Variants in MLLT6 observed in about 807,000 individuals in gnomAD.
MLLT6 encodes MLLT6, PHD finger containing.
Under a neutral mutation model 103.0 loss-of-function variants are expected in MLLT6, and 22 were observed. The observed-to-expected ratio is 0.21, with a 90% confidence interval of 0.15 to 0.31. The LOEUF (loss-of-function observed/expected upper bound fraction) is 0.31. Among genes scored for constraint, MLLT6 ranks in the 10% least tolerant of loss-of-function variants. The pLI, the probability that MLLT6 is intolerant of heterozygous loss-of-function variation, is 1.00. For synonymous variants in MLLT6, 606 were observed against 623.5 expected, an observed-to-expected ratio of 0.97 and a Z score of 0.42; for missense variants, 1,199 against 1,441.7, an observed-to-expected ratio of 0.83 and a Z score of 2.73.
Position 38,711,915 on chromosome 17 carries a change from A to G in MLLT6, c.621A>G (p.Gly207=). Reference sequence around the variant, plus strand: ...GAGGAGGAGGTGGCAGCATGGGGGGAGGTGGCAGTGGTTTCATCTCTGGGA... The same window carrying G: ...GAGGAGGAGGTGGCAGCATGGGGGGGGGTGGCAGTGGTTTCATCTCTGGGA... ...GAGGGGGSMG[G]GGSGFISGRR... The change falls in exon 7 of 20, where the codon GGA becomes GGG. Residue 207 remains glycine, a synonymous_variant. Coordinates refer to ENST00000621332, the MANE Select transcript of MLLT6 (RefSeq NM_005937.4). 6.2e-7 allele frequency: 1 copy of G among 1,607,040 alleles called. No individual in the cohort carries two copies.
chr17:38,705,612 C>T lies in MLLT6; in HGVS notation c.-21C>T. ...CGCCGGCCGGCCCCCCGCCCCAGCC[C>T]CGGAGGGAGCTCATGGGAGTATGAA... On this transcript the variant is annotated 5_prime_UTR_variant, in exon 1 of 20. Transcript: ENST00000621332. 1 of 1,484,034 alleles carries T rather than the reference C, an allele frequency of 6.7e-7. No homozygotes were observed. Among genetic ancestry groups the T allele is most frequent in the Non-Finnish European group, 9.2e-7 (1 of 1,092,658 alleles). 91.9% of individuals were successfully genotyped at this position (1,484,034 alleles called of 1,614,324 possible).
In MLLT6 at chr17:38,724,625, C is replaced by A. The variant is rs374652763; in HGVS notation, c.2889C>A (p.His963Gln). The change falls in exon 19 of 20, where the codon CAC (histidine) becomes CAA (glutamine). Residue 963 changes from histidine (H) to glutamine (Q), a missense_variant. Transcript: ENST00000621332. This position sits in a 1 kb window ranked among gnomAD's most constrained non-coding sequence, Gnocchi z 5.4. ...GCGGTCTGGCCCCCTTGCAGGAACA[C>A]CAGACTGTTGTCTACCAGATGATCC... ...LLASPQLTPEHQTVVYQMIQQ... is the reference protein window; with the variant it reads ...LLASPQLTPEQQTVVYQMIQQ... 6.3e-7 allele frequency: 1 copy of A among 1,590,712 alleles called. No homozygotes were observed. The highest frequency in any genetic ancestry group is 8.6e-7 in the Non-Finnish European group (1 of 1,165,164).
chr17:38,722,334 T>G, intron 17 of MLLT6, 107 bp downstream of exon 17: 1 of 859,886 alleles, frequency 1.2e-6, no homozygotes, highest in Non-Finnish European at 1.7e-6. Context: ...AAAAATGGCC[T>G]CTGGTCTCAC....
At position 38,709,958 on chromosome 17, in the gene MLLT6, C is replaced by A. The variant is rs1003816804; in HGVS notation, c.552+383C>A. Among the ~76,000 whole-genome samples the A allele has an allele frequency of 1.3e-5, 2 of 152,142 alleles. No homozygotes were observed. Among genetic ancestry groups the A allele is most frequent in the East Asian group, 3.9e-4 (2 of 5,194 alleles). ...CCTGCCATGTGTTATTTTGTGTGGT[C>A]CCCCCACCAACCCTAAGAACTAGGT... On this transcript the variant is annotated intron_variant, in intron 6 of 19. Transcript: ENST00000621332. The surrounding 1 kb of genome is among the most constrained non-coding windows in gnomAD (Gnocchi z 4.3).
rs998255163 is a variant in MLLT6 at position 38,722,054 on chromosome 17, G to A, written c.2619G>A (p.Ala873=). 22 of 1,398,756 alleles carry A rather than the reference G, an allele frequency of 1.6e-5. No homozygotes were observed. The highest frequency in any genetic ancestry group is 5.9e-5 in the East Asian group (2 of 33,940). The allele number at this position is 1,398,756 out of a possible 1,614,324, so 86.6% of individuals were successfully genotyped here. A position where few individuals can be genotyped will look rare whatever the true frequency, so the allele number is the denominator to read the frequency against. The stretch of plus-strand genomic sequence containing the variant: ...GGTTGGGCCGGGCACCCGGGGCAGC[G>A]GGGCTGGGGGCCATGCCCATGGCTG... ...QNGLGRAPGA[A]GLGAMPMAEG... Residue 873 remains alanine, a synonymous_variant, in exon 17 of 20, where the codon GCG becomes GCA. Transcript: ENST00000621332.
In MLLT6 at chr17:38,715,806, T is replaced by TG. The variant is rs1370609613; in HGVS notation, c.1020dup (p.Pro341AlafsTer14). On this transcript the variant is annotated frameshift_variant, in exon 9 of 20. Transcript: ENST00000621332. LOFTEE classifies it high-confidence loss of function. Reference sequence around the variant, plus strand: ...CTTCCTCCTCCTCTTCCTCCTCCTCTGGGGGGCCCTTCCAGCCTGCAGGTG... The same window carrying TG: ...CTTCCTCCTCCTCTTCCTCCTCCTCTGGGGGGGCCCTTCCAGCCTGCAGGTG... 6.2e-7 allele frequency: 1 copy of TG among 1,600,314 alleles called. No homozygotes were observed. The highest frequency in any genetic ancestry group is 8.5e-7 in the Non-Finnish European group (1 of 1,172,936).
chr17:38,711,800 A>T, intron 6 of MLLT6, 47 bp from the exon 7 acceptor site: 2 of 1,467,834 alleles, frequency 1.4e-6, no homozygotes, highest in Non-Finnish European at 1.8e-6. Context: ...GCGTTCCCTA[A>T]GCCCGTGAGA....
Position 38,720,404 on chromosome 17 carries a change from CAGA to C in MLLT6, c.2191_2193del (p.Lys731del). 1 of 1,610,040 alleles carries C rather than the reference CAGA, an allele frequency of 6.2e-7. No individual in the cohort carries two copies. Among genetic ancestry groups the C allele is most frequent in the Non-Finnish European group, 8.5e-7 (1 of 1,178,764 alleles). The stretch of plus-strand genomic sequence containing the variant: ...GATGCTGAAGGCGCTGCACGCGCTG[CAGA>C]AGGAGAACCAGCGGCTGCAAGAGCA... On this transcript the variant is annotated inframe_deletion, in exon 15 of 20. Transcript: ENST00000621332.
At position 38,724,699 on chromosome 17, in the gene MLLT6, G is replaced by C; in HGVS notation, c.2963G>C (p.Gly988Ala). Residue 988 changes from glycine (G) to alanine (A), a missense_variant, in exon 19 of 20, where the codon GGC (glycine) becomes GCC (alanine). By Grantham distance (60) the Gly-to-Ala change is moderately conservative. Coordinates refer to ENST00000621332, the MANE Select transcript of MLLT6 (RefSeq NM_005937.4). The surrounding 1 kb of genome is among the most constrained non-coding windows in gnomAD (Gnocchi z 5.4). ...CTGCAGCGCCTGCAGATGGCTGGGGGCTCCCAGCTGCCCATGGCCAGCCTG... is the reference window on the plus strand; with the variant it reads ...CTGCAGCGCCTGCAGATGGCTGGGGCCTCCCAGCTGCCCATGGCCAGCCTG... ...RELQRLQMAG[G>A]SQLPMASLLA... 6.2e-7 allele frequency: 1 copy of C among 1,613,068 alleles called. No individual in the cohort carries two copies.
intron 18 of MLLT6, among the ~76,000 whole-genome samples, chr17:38,723,556 C>T (rs555822162): frequency 1.5e-4 from 23 of 152,064 alleles, no homozygotes; most frequent in Non-Finnish European, 2.9e-4. Flanking sequence ...AAATATTAGA[C>T]AGGAAACCAA....
Position 38,709,093 on chromosome 17 carries a change from G to A in MLLT6, c.355-80G>A. The A allele has an allele frequency of 2.0e-6, 2 of 1,013,556 alleles. No homozygotes were observed. The highest frequency in any genetic ancestry group is 3.0e-6 in the Non-Finnish European group (2 of 666,006). The allele number at this position is 1,013,556 out of a possible 1,614,324, so 62.8% of individuals were successfully genotyped here. Reference sequence around the variant, plus strand: ...TGATCTAAGACTGTAGAGAGCAAATGGAATGGAGGGGGTGGCCTAAGGACC... The same window carrying A: ...TGATCTAAGACTGTAGAGAGCAAATAGAATGGAGGGGGTGGCCTAAGGACC... On this transcript the variant is annotated intron_variant, in intron 4 of 19. Coordinates refer to ENST00000621332, the MANE Select transcript of MLLT6 (RefSeq NM_005937.4). The surrounding 1 kb of genome is among the most constrained non-coding windows in gnomAD (Gnocchi z 4.3).
chr17:38,726,037 AC>A lies in MLLT6; in HGVS notation c.*442del, dbSNP rs1157127970. ...AAATCTTTTATGGAAGAAGGGCTGG[AC>A]CCACTTTACCTGCAGTTTCTTCCCA... On this transcript the variant is annotated 3_prime_UTR_variant, in exon 20 of 20. Transcript: ENST00000621332. The A allele has an allele frequency of 4.1e-6, 1 of 245,044 alleles. No individual in the cohort carries two copies. The highest frequency in any genetic ancestry group is 7.9e-6 in the Non-Finnish European group (1 of 126,332). The allele number at this position is 245,044 out of a possible 1,614,324, so 15.2% of individuals were successfully genotyped here. A position where few individuals can be genotyped will look rare whatever the true frequency, so the allele number is the denominator to read the frequency against.
rs1407798137 is a variant in MLLT6, at chr17:38,709,440, G to A, written c.459-42G>A. ...AGGGTGAGAGGAAGGTGGCTCATGT[G>A]ATCTGTGGCCTCAGCCGTCTCAGGC... On this transcript the variant is annotated intron_variant, in intron 5 of 19. Coordinates refer to ENST00000621332, the MANE Select transcript of MLLT6 (RefSeq NM_005937.4). The surrounding 1 kb of genome is among the most constrained non-coding windows in gnomAD (Gnocchi z 4.3). 7 of 1,561,346 alleles carry A rather than the reference G, an allele frequency of 4.5e-6. No homozygotes were observed. The highest frequency in any genetic ancestry group is 5.3e-6 in the Non-Finnish European group (6 of 1,131,962).
chr17:38,705,752 G>C lies in MLLT6; in HGVS notation c.109+11G>C. 1.5e-6 allele frequency: 2 copies of C among 1,343,058 alleles called. No homozygotes were observed. The highest frequency in any genetic ancestry group is 2.8e-5 in the East Asian group (1 of 35,294). 83.2% of individuals were successfully genotyped at this position (1,343,058 alleles called of 1,614,324 possible). On this transcript the variant is annotated intron_variant, in intron 1 of 19. Coordinates refer to ENST00000621332, the MANE Select transcript of MLLT6 (RefSeq NM_005937.4). ...TGGCCGTCCACCAAGGTACGGGGGTGGCCCGCGGGGGGCGGCGGGACCCCG... is the reference window on the plus strand; with the variant it reads ...TGGCCGTCCACCAAGGTACGGGGGTCGCCCGCGGGGGGCGGCGGGACCCCG...
At position 38,705,346 on chromosome 17, in the gene MLLT6, C is replaced by T. The variant is rs867705396; in HGVS notation, c.-287C>T. Among the ~76,000 whole-genome samples, 625 of 140,234 alleles carry T rather than the reference C, an allele frequency of 4.5e-3. 6 individuals carry two copies. Among genetic ancestry groups the T allele is most frequent in the African/African-American group, 0.015 (597 of 38,556 alleles). 92.0% of individuals were successfully genotyped at this position (140,234 alleles called of 152,430 possible). A position where few individuals can be genotyped will look rare whatever the true frequency, so the allele number is the denominator to read the frequency against. On this transcript the variant is annotated 5_prime_UTR_variant, in exon 1 of 20. Transcript: ENST00000621332. Reference sequence around the variant, plus strand: ...GGCCCTAGGAGCCGGGCGAGCGGCGCGGAGGGGGCGAGCCCGGCGTGCGAG... The same window carrying T: ...GGCCCTAGGAGCCGGGCGAGCGGCGTGGAGGGGGCGAGCCCGGCGTGCGAG...
Position 38,720,737 on chromosome 17 carries a change from C to T in MLLT6, c.2432C>T (p.Thr811Ile). 2 of 1,613,730 alleles carry T rather than the reference C, an allele frequency of 1.2e-6. No homozygotes were observed. The highest frequency in any genetic ancestry group is 1.7e-6 in the Non-Finnish European group (2 of 1,179,928). ...SSLGLDNSLSTSSEDPHSGCP... is the reference protein window; with the variant it reads ...SSLGLDNSLSISSEDPHSGCP... ...CTCGGCCTGGACAACTCGCTGTCCACTTCTTCTGAGGTGGGCGCTACGAGG... is the reference window on the plus strand; with the variant it reads ...CTCGGCCTGGACAACTCGCTGTCCATTTCTTCTGAGGTGGGCGCTACGAGG... The change falls in exon 16 of 20, where the codon ACT becomes ATT. Residue 811 changes from threonine (T) to isoleucine (I), a missense_variant. By Grantham distance (89) the Thr-to-Ile change is moderately conservative. Around this residue, in one of 7 missense-constraint regions of MLLT6, gnomAD observed 1,034 missense variants for 1,091.5 expected, o/e 0.95. Transcript: ENST00000621332.
chr17:38,718,242 G>T, intron 12 of MLLT6: 1 of 282,622 alleles, frequency 3.5e-6, no homozygotes, highest in Non-Finnish European at 6.6e-6. Context: ...GGGCGTGGTG[G>T]TGGGCGCCTG....
chr17:38,710,804 T>C (rs963374788), intron 6 of MLLT6, among the ~76,000 whole-genome samples: 9 of 152,232 alleles, frequency 5.9e-5, no homozygotes, highest in African/African-American at 2.2e-4. Context: ...TTTTTGAAAG[T>C]GTCCAGGTTT....
At chr17:38,720,634 G>A (rs781447799) in intron 15 of MLLT6, 25 bp from the exon 16 acceptor site, 3 of 1,613,290 alleles carry the variant, frequency 1.9e-6, no homozygotes, top group Non-Finnish European at 2.5e-6. Context: ...GGCCCTGACT[G>A]CAGCCTGTGA....
Sources: allele counts gnomAD v4.1 joint callset (sites outside exome capture counted in the v4.1 genomes callset), GRCh38; gene constraint gnomAD v4.1.1; regional missense constraint gnomAD v4.1.1; non-coding constraint Gnocchi (gnomAD v3.1); transcripts MANE v1.5; gene names NCBI Gene and HGNC (gene_info 2026-07-23, HGNC 2026-07-21).